The following CORO1C variants were observed in gnomAD, a reference collection of about 807,000 sequenced individuals.
The protein encoded by CORO1C is coronin-1C.
CORO1C carries 14 observed loss-of-function variants against 51.2 expected under a neutral mutation model. The observed-to-expected ratio is 0.27, with a 90% CI of 0.18 to 0.43. The LOEUF (loss-of-function observed/expected upper bound fraction) is 0.43, where lower values mean the gene tolerates loss of function less well. CORO1C is among the 20% of genes least tolerant of loss of function. The probability of loss-of-function intolerance (pLI) is 1.00; values close to 1 mark genes in which losing one functional copy is unlikely to be tolerated. For missense variants in CORO1C, 417 were observed against 607.8 expected (o/e 0.69, Z 3.30); for synonymous variants, 181 against 210.5 (o/e 0.86, Z 1.21).
intron 1 of CORO1C, among the ~76,000 whole-genome samples, chr12:108,726,044 A>G (rs553245728): frequency 2.9e-4 from 44 of 152,204 alleles, no homozygotes; most frequent in African/African-American, 1.1e-3. Flanking sequence ...CGTGTTGGCC[A>G]GGCTGGTCTC....
rs1298443341 is a variant in CORO1C, at chr12:108,657,349, A to C, written c.705T>G (p.Thr235=). The C allele has an allele frequency of 2.5e-6, 4 of 1,614,168 alleles. No homozygotes were observed. The Admixed American group carries it at 6.7e-5, about 27-fold the overall frequency. Residue 235 remains threonine, a synonymous_variant, in exon 6 of 11, where the codon ACT becomes ACG. Transcript: ENST00000261401. ...IFLADGNVFT[T]GFSRMSERQL... ...GCCGCTCGCTCATGCGGCTGAACCC[A>C]GTGGTGAAGACATTGCCATCGGCCA... is the stretch of plus-strand genomic sequence containing the variant.
intron 1 of CORO1C, among the ~76,000 whole-genome samples, chr12:108,722,440 C>T (rs1763411285): frequency 6.6e-6 from 1 of 152,212 alleles, no homozygotes; most frequent in Non-Finnish European, 1.5e-5. Flanking sequence ...CTGGACGCCA[C>T]ACAGCCTGCA....
intron 3 of CORO1C, among the ~76,000 whole-genome samples, chr12:108,673,177 C>T (rs539986714): frequency 6.6e-6 from 1 of 152,212 alleles, no homozygotes; most frequent in African/African-American, 2.4e-5. Context: ...GTTGTGAATG[C>T]AAAAGAAAAG....
intron 2 of CORO1C, among the ~76,000 whole-genome samples, chr12:108,686,181 G>A (rs917884212): frequency 2.6e-5 from 4 of 152,162 alleles, no homozygotes; most frequent in African/African-American, 7.2e-5. Flanking sequence ...TCGTCTGCAC[G>A]ACACATACTG....
At chr12:108,664,846 A>G (rs1361784626) in intron 3 of CORO1C, among the ~76,000 whole-genome samples, 1 of 152,250 alleles carries the variant, frequency 6.6e-6, no homozygotes, top group Non-Finnish European at 1.5e-5. Flanking sequence ...ACAAACAGAA[A>G]ACAGTGACTA....
chr12:108,667,927 C>T (rs540240140), intron 3 of CORO1C, among the ~76,000 whole-genome samples: 27 of 152,302 alleles, frequency 1.8e-4, no homozygotes, highest in African/African-American at 6.3e-4. Context: ...GTTTCTCTCA[C>T]GTGCTAATTT....
rs76470314 is a variant in CORO1C at position 108,722,538 on chromosome 12, C to A, written c.-6+8891G>T. ...CCAAGATCCAGAATTCCACTATCACCATAAACAATTTCAAAAACTGCTGTG... is the reference window on the plus strand; with the variant it reads ...CCAAGATCCAGAATTCCACTATCACAATAAACAATTTCAAAAACTGCTGTG... On this transcript the variant is annotated intron_variant, in intron 1 of 10. Transcript: ENST00000261401. Among the ~76,000 whole-genome samples, 300 of 152,294 alleles carry A rather than the reference C, an allele frequency of 2.0e-3. 1 individual carries two copies. Among genetic ancestry groups the A allele is most frequent in the African/African-American group, 7.1e-3 (296 of 41,568 alleles).
chr12:108,662,180 T>A (rs754504712), intron 3 of CORO1C, 22 bp from the exon 4 acceptor site: 1 of 1,609,966 alleles, frequency 6.2e-7, no homozygotes. Context: ...GGAAGAAAGA[T>A]GATCCACATG....
At chr12:108,671,345 T>C (rs2033712591) in intron 3 of CORO1C, among the ~76,000 whole-genome samples, 1 of 145,182 alleles carries the variant, frequency 6.9e-6, no homozygotes, top group Admixed American at 6.9e-5. Flanking sequence ...AGAAAAGGAG[T>C]GGGGGGAGGA....
At chr12:108,676,165 A>G (rs2033902258) in intron 3 of CORO1C, among the ~76,000 whole-genome samples, 1 of 152,182 alleles carries the variant, frequency 6.6e-6, no homozygotes, top group Admixed American at 6.5e-5. Flanking sequence ...GAGTATTACA[A>G]AAGTCAGGAG....
intron 2 of CORO1C, among the ~76,000 whole-genome samples, chr12:108,692,301 A>T (rs1256874931): frequency 6.6e-6 from 1 of 152,202 alleles, no homozygotes; most frequent in Non-Finnish European, 1.5e-5. Context: ...GCTGGCTCTG[A>T]ACAAAATCCT....
At chr12:108,652,177 A>G (rs2032702786) in intron 8 of CORO1C, 95 bp downstream of exon 8, 1 of 1,180,014 alleles carries the variant, frequency 8.5e-7, no homozygotes, top group East Asian at 2.5e-5. Flanking sequence ...GAATGGTCAG[A>G]TATTTTTGAG....
At chr12:108,651,165 AT>A (rs2032632710) in intron 8 of CORO1C, among the ~76,000 whole-genome samples, 1 of 152,224 alleles carries the variant, frequency 6.6e-6, no homozygotes, top group African/African-American at 2.4e-5. Context: ...GCTTATAAAA[AT>A]TCTCTTCCTT....
intron 1 of CORO1C, among the ~76,000 whole-genome samples, chr12:108,727,768 TTG>T (rs2035626515): frequency 6.6e-6 from 1 of 152,182 alleles, no homozygotes; most frequent in African/African-American, 2.4e-5. Flanking sequence ...TTTAAAATCT[TTG>T]TTCCTAAAAA....
chr12:108,701,501 G>A (rs2034869196), intron 1 of CORO1C, 178 bp from the exon 2 acceptor site: 3 of 814,958 alleles, frequency 3.7e-6, no homozygotes, highest in Non-Finnish European at 5.6e-6. Flanking sequence ...GGAGACAACT[G>A]CAAAATGCGT....
chr12:108,709,930 G>A (rs2035131890), intron 1 of CORO1C, among the ~76,000 whole-genome samples: 2 of 152,154 alleles, frequency 1.3e-5, no homozygotes, highest in Admixed American at 1.3e-4. Flanking sequence ...CAGTAATAAA[G>A]AGGAAGACGA....
At position 108,658,755 on chromosome 12, in the gene CORO1C, T is replaced by A; in HGVS notation, c.613A>T (p.Lys205Ter). Residue 205 changes from lysine (K) to a stop codon, truncating the protein, a stop_gained, in exon 5 of 11, where the codon AAA (lysine) becomes TAA (stop). Coordinates refer to ENST00000261401, the MANE Select transcript of CORO1C (RefSeq NM_014325.4). LOFTEE classifies it high-confidence loss of function. The surrounding 1 kb of genome is among the most constrained non-coding windows in gnomAD (Gnocchi z 4.9). ...DKKVRVIDPR[K>*]QEIVAEKEKA... The stretch of plus-strand genomic sequence containing the variant: ...ATACTCACAGCAACAATCTCTTGTT[T>A]CCTGGGATCAATGACTCTCACTTTC... The A allele has an allele frequency of 6.2e-7, 1 of 1,609,956 alleles. No individual in the cohort carries two copies. Among genetic ancestry groups the A allele is most frequent in the South Asian group, 1.1e-5 (1 of 91,012 alleles).
chr12:108,653,507 C>T (rs891544064), intron 7 of CORO1C, among the ~76,000 whole-genome samples: 29 of 152,284 alleles, frequency 1.9e-4, no homozygotes, highest in African/African-American at 5.8e-4. Context: ...TAGGGACTAC[C>T]TCAACAGCTC....
chr12:108,720,190 A>G (rs1266997809), intron 1 of CORO1C, among the ~76,000 whole-genome samples: 4 of 151,970 alleles, frequency 2.6e-5, no homozygotes, highest in African/African-American at 4.8e-5. Flanking sequence ...TGTCTCAAAC[A>G]CTCATACAGA....
Sources: allele counts gnomAD v4.1 joint callset (sites outside exome capture counted in the v4.1 genomes callset), GRCh38; gene constraint gnomAD v4.1.1; non-coding constraint Gnocchi (gnomAD v3.1); transcripts MANE v1.5; gene names NCBI Gene and HGNC (gene_info 2026-07-23, HGNC 2026-07-21).